The following DLGAP2 variants were observed in gnomAD, a reference collection of about 807,000 sequenced individuals.
DLGAP2 encodes DLG associated protein 2.
Under a neutral mutation model 100.3 loss-of-function variants are expected in DLGAP2, and 26 were observed. The observed-to-expected ratio is 0.26, with a 90% CI of 0.19 to 0.36. The LOEUF (loss-of-function observed/expected upper bound fraction) is 0.36. DLGAP2 is among the 10% of genes least tolerant of loss of function. The pLI, the probability that DLGAP2 is intolerant of heterozygous loss-of-function variation, is 1.00. For missense variants in DLGAP2, 1,858 were observed against 1,453.2 expected (o/e 1.28, Z -4.53); for synonymous variants, 886 against 630.1 (o/e 1.41, Z -6.08).
chr8:1,531,599 A>C lies in DLGAP2; in HGVS notation c.173-17027A>C, dbSNP rs762159926. 2.6e-5 allele frequency among the ~76,000 whole-genome samples: 4 copies of C among 152,148 alleles called. No individual in the cohort carries two copies. The South Asian group carries it at 8.3e-4, about 32-fold the overall frequency. ...ACTCCAGCCTGGGCAACAAGAATGAAACTCTGTCTCAAAATAAAGTAGATA... is the reference window on the plus strand; with the variant it reads ...ACTCCAGCCTGGGCAACAAGAATGACACTCTGTCTCAAAATAAAGTAGATA... On this transcript the variant is annotated intron_variant, in intron 4 of 14. Transcript: ENST00000637795.
intron 4 of DLGAP2, among the ~76,000 whole-genome samples, chr8:1,543,421 C>T (rs972693276): frequency 3.3e-5 from 5 of 152,076 alleles, no homozygotes; most frequent in African/African-American, 1.2e-4. Context: ...ATTGGGTTAT[C>T]CTAGCATTAT....
In DLGAP2 at chr8:1,317,602, C is replaced by T. The variant is rs185041979; in HGVS notation, c.106+58719C>T. On this transcript the variant is annotated intron_variant, in intron 3 of 14. Coordinates refer to ENST00000637795, the MANE Select transcript of DLGAP2 (RefSeq NM_001346810.2). ...GCAGCGTTTAAAAATACAGGCTGTG[C>T]GAGTGCAGCGTCTCTCCAACAGTGG... Among the ~76,000 whole-genome samples, 303 of 136,450 alleles carry T rather than the reference C, an allele frequency of 2.2e-3. 2 individuals are homozygous for T. Among genetic ancestry groups the T allele is most frequent in the South Asian group, 4.6e-3 (19 of 4,122 alleles). The allele number at this position is 136,450 out of a possible 152,430, so 89.5% of individuals were successfully genotyped here. A position where few individuals can be genotyped will look rare whatever the true frequency, so the allele number is the denominator to read the frequency against.
chr8:1,172,035 T>C (rs200022602), intron 2 of DLGAP2, among the ~76,000 whole-genome samples: 3 of 152,208 alleles, frequency 2.0e-5, no homozygotes, highest in South Asian at 4.2e-4. Context: ...TTGTTCCTTT[T>C]CATGTTTAGT....
At chr8:1,031,436 G>A (rs953490719) in intron 2 of DLGAP2, among the ~76,000 whole-genome samples, 7 of 151,634 alleles carry the variant, frequency 4.6e-5, no homozygotes, top group South Asian at 2.1e-4. Flanking sequence ...TTTTGAGACA[G>A]GGCCTCACTC....
At chr8:940,208 G>T (rs1421008525) in intron 2 of DLGAP2, among the ~76,000 whole-genome samples, 1 of 151,984 alleles carries the variant, frequency 6.6e-6, no homozygotes, top group East Asian at 1.9e-4. Context: ...TAAGTTCTCT[G>T]AGTTTCCATT....
intron 3 of DLGAP2, among the ~76,000 whole-genome samples, chr8:1,309,728 A>C (rs10094628): frequency 0.23 from 34,268 of 152,206 alleles, 4,675 homozygotes; most frequent in African/African-American, 0.37. Context: ...CTTTGTTGCT[A>C]CAGAAATTAA....
Position 1,693,384 on chromosome 8 carries a change from A to G in DLGAP2, c.2796+1758A>G, listed in dbSNP as rs182185064. On this transcript the variant is annotated intron_variant, in intron 13 of 14. Coordinates refer to ENST00000637795, the MANE Select transcript of DLGAP2 (RefSeq NM_001346810.2). ...ATATACTATATATTTGCCTACACACATACATGTATACTTTTCCTTGGCTGA... is the reference window on the plus strand; with the variant it reads ...ATATACTATATATTTGCCTACACACGTACATGTATACTTTTCCTTGGCTGA... Among the ~76,000 whole-genome samples the G allele has an allele frequency of 2.7e-3, 405 of 151,556 alleles. 3 individuals carry two copies. Among genetic ancestry groups the G allele is most frequent in the African/African-American group, 9.1e-3 (375 of 41,382 alleles).
chr8:798,856 G>C (rs1398596922), intron 1 of DLGAP2, among the ~76,000 whole-genome samples: 1 of 150,678 alleles, frequency 6.6e-6, no homozygotes, highest in Non-Finnish European at 1.5e-5. Flanking sequence ...TGTTGAGTCA[G>C]GACCTGCAGC....
chr8:1,408,319 C>G (rs1461887291), intron 3 of DLGAP2, among the ~76,000 whole-genome samples: 1 of 152,226 alleles, frequency 6.6e-6, no homozygotes. Context: ...TCCAGAGTGT[C>G]CGAGGGTTTC....
At chr8:981,634 A>G (rs370546649) in intron 2 of DLGAP2, among the ~76,000 whole-genome samples, 3 of 152,122 alleles carry the variant, frequency 2.0e-5, no homozygotes, top group Non-Finnish European at 1.5e-5. Flanking sequence ...GTGAGGTGGT[A>G]TCTCACTGTG....
At chr8:1,166,541 A>G (rs1353911326) in intron 2 of DLGAP2, among the ~76,000 whole-genome samples, 1 of 152,192 alleles carries the variant, frequency 6.6e-6, no homozygotes, top group African/African-American at 2.4e-5. Context: ...ACATTTTTAT[A>G]GAAGGGCAGA....
intron 2 of DLGAP2, among the ~76,000 whole-genome samples, chr8:924,310 C>CA (rs1316968736): frequency 6.6e-6 from 1 of 152,166 alleles, no homozygotes; most frequent in Non-Finnish European, 1.5e-5. Flanking sequence ...TCCTCCGGCT[C>CA]ACGTTTTTGG....
intron 2 of DLGAP2, among the ~76,000 whole-genome samples, chr8:1,081,070 A>C (rs1803792127): frequency 6.6e-6 from 1 of 152,222 alleles, no homozygotes; most frequent in Non-Finnish European, 1.5e-5. Flanking sequence ...TGATTATAAA[A>C]CCTTATTAAA....
chr8:940,972 C>T (rs1185535844), intron 2 of DLGAP2, among the ~76,000 whole-genome samples: 1 of 152,102 alleles, frequency 6.6e-6, no homozygotes, highest in African/African-American at 2.4e-5. Flanking sequence ...GCAGCGGGGT[C>T]ACAGTTCAGG....
chr8:1,437,274 G>T (rs901537577), intron 3 of DLGAP2, among the ~76,000 whole-genome samples: 2 of 152,246 alleles, frequency 1.3e-5, no homozygotes, highest in African/African-American at 4.8e-5. Context: ...CCGGGTCTCC[G>T]TTCAGCCCAG....
At chr8:1,546,434 G>A (rs1202124528) in intron 4 of DLGAP2, among the ~76,000 whole-genome samples, 1 of 152,164 alleles carries the variant, frequency 6.6e-6, no homozygotes, top group Non-Finnish European at 1.5e-5. Flanking sequence ...GACTTCCCAG[G>A]GACTCATGAA....
At chr8:976,941 C>T (rs924696) in intron 2 of DLGAP2, among the ~76,000 whole-genome samples, 65,369 of 152,046 alleles carry the variant, frequency 0.43, 14,556 homozygotes, top group Admixed American at 0.55. Context: ...ATAAGTTGAA[C>T]TTGCATTAAA....
chr8:1,013,554 C>G (rs1274101502), intron 2 of DLGAP2, among the ~76,000 whole-genome samples: 1 of 152,108 alleles, frequency 6.6e-6, no homozygotes, highest in Non-Finnish European at 1.5e-5. Context: ...GCAGAGGTCT[C>G]CAGACAGCAC....
intron 2 of DLGAP2, among the ~76,000 whole-genome samples, chr8:1,022,079 G>T (rs559042874): frequency 6.6e-6 from 1 of 152,162 alleles, no homozygotes; most frequent in East Asian, 1.9e-4. Context: ...TGTCACCAGC[G>T]AACAGGTGCA....
Sources: gnomAD v4.1 joint callset for allele counts (sites outside exome capture counted in the v4.1 genomes callset) on GRCh38, gnomAD v4.1.1 for gene constraint, MANE v1.5 for transcripts, NCBI Gene and HGNC (gene_info 2026-07-23, HGNC 2026-07-21) for gene names.